MRAS: variants seen among roughly 807,000 people sequenced by gnomAD.
MRAS encodes ras-related protein M-Ras.
MRAS carries 4 observed loss-of-function variants against 20.9 expected under a neutral mutation model. The ratio of observed to expected loss-of-function variants is 0.19; its 90% CI spans 0.09 to 0.44. The LOEUF (loss-of-function observed/expected upper bound fraction) is 0.44. MRAS is among the 20% of genes least tolerant of loss of function. MRAS has a pLI of 0.99. For synonymous variants in MRAS, 98 were observed against 102.9 expected (o/e 0.95, Z 0.29); for missense variants, 154 against 277.5 (o/e 0.56, Z 3.16).
intron 2 of MRAS, among the ~76,000 whole-genome samples, chr3:138,376,341 G>T (rs370281595): frequency 1.3e-5 from 2 of 152,258 alleles, no homozygotes; most frequent in East Asian, 3.9e-4. Context: ...GCCCAACTCT[G>T]TTCTTCTTTA....
At chr3:138,360,780 G>A (rs1037765483) in intron 1 of MRAS, among the ~76,000 whole-genome samples, 5 of 152,222 alleles carry the variant, frequency 3.3e-5, no homozygotes, top group African/African-American at 1.2e-4. Flanking sequence ...ACGTTGGAGC[G>A]TCTCTGAGCA....
intron 2 of MRAS, among the ~76,000 whole-genome samples, chr3:138,388,851 G>A (rs921937767): frequency 1.3e-4 from 19 of 151,754 alleles, no homozygotes; most frequent in African/African-American, 4.6e-4. Context: ...TTTTGTTTTT[G>A]TTTTTTTGAG....
intron 4 of MRAS, among the ~76,000 whole-genome samples, chr3:138,399,596 C>G (rs894735704): frequency 6.6e-6 from 1 of 152,156 alleles, no homozygotes; most frequent in Non-Finnish European, 1.5e-5. Context: ...CTGTGCTTTT[C>G]TTTTTCCAGC....
At chr3:138,368,798 C>T (rs577782711) in intron 1 of MRAS, among the ~76,000 whole-genome samples, 49 of 152,290 alleles carry the variant, frequency 3.2e-4, no homozygotes, top group African/African-American at 1.1e-3. Context: ...AAAAATCTTT[C>T]TCTGTACCGC....
At chr3:138,381,357 G>T (rs1454795464) in intron 2 of MRAS, among the ~76,000 whole-genome samples, 1 of 152,234 alleles carries the variant, frequency 6.6e-6, no homozygotes, top group Non-Finnish European at 1.5e-5. Context: ...CTAGTCTAGG[G>T]TGAGACCTAG....
intron 2 of MRAS, among the ~76,000 whole-genome samples, chr3:138,389,981 C>A (rs1209011675): frequency 6.6e-6 from 1 of 151,534 alleles, no homozygotes; most frequent in South Asian, 2.1e-4. Flanking sequence ...CCTGTAATCC[C>A]AGGCGTGGGC....
At chr3:138,387,216 A>AG (rs1269020881) in intron 2 of MRAS, among the ~76,000 whole-genome samples, 4 of 152,218 alleles carry the variant, frequency 2.6e-5, no homozygotes, top group African/African-American at 9.6e-5. Context: ...AGGCCTTTAA[A>AG]GGGGGAGAAG....
rs142715455 is a variant in MRAS at position 138,398,593 on chromosome 3, G to A, written c.447+25G>A. On this transcript the variant is annotated intron_variant, in intron 4 of 5. Coordinates refer to ENST00000423968, the MANE Select transcript of MRAS (RefSeq NM_001085049.3). ...TGTAGGTGTGTGCGTGTGTGTAGAGGGGGTCAGGAGATGTGTAAAAGCTGT... is the reference window on the plus strand; with the variant it reads ...TGTAGGTGTGTGCGTGTGTGTAGAGAGGGTCAGGAGATGTGTAAAAGCTGT... 991 of 1,603,842 alleles carry A rather than the reference G, an allele frequency of 6.2e-4. 6 individuals carry two copies. In the African/African-American group the frequency reaches 9.0e-3, roughly 15 times the overall value.
At chr3:138,392,725 C>T (rs150289824) in intron 2 of MRAS, among the ~76,000 whole-genome samples, 4 of 152,198 alleles carry the variant, frequency 2.6e-5, no homozygotes, top group African/African-American at 9.6e-5. Flanking sequence ...TCCTCTCTGT[C>T]ATTTTGCTTT....
intron 1 of MRAS, among the ~76,000 whole-genome samples, chr3:138,360,154 G>A (rs537668492): frequency 1.3e-5 from 2 of 152,306 alleles, no homozygotes; most frequent in South Asian, 2.1e-4. Context: ...GCACGTGCAC[G>A]TGACTTTGGG....
chr3:138,397,529 C>T (rs1197418190), intron 3 of MRAS, 52 bp downstream of exon 3: 1 of 1,592,834 alleles, frequency 6.3e-7, no homozygotes, highest in African/African-American at 1.3e-5. Context: ...CGCCTGCCTC[C>T]TAGGGCGCTC....
At chr3:138,364,514 A>G (rs951081808) in intron 1 of MRAS, among the ~76,000 whole-genome samples, 2 of 152,212 alleles carry the variant, frequency 1.3e-5, no homozygotes, top group Non-Finnish European at 2.9e-5. Flanking sequence ...GCATAGCTCA[A>G]GCTCTTTGGC....
chr3:138,370,754 G>A (rs1291435228), intron 1 of MRAS, among the ~76,000 whole-genome samples: 4 of 152,110 alleles, frequency 2.6e-5, no homozygotes, highest in Admixed American at 2.6e-4. Context: ...AACTTTTCCA[G>A]TACACAAATA....
intron 2 of MRAS, among the ~76,000 whole-genome samples, chr3:138,386,431 T>C (rs1465037188): frequency 1.3e-5 from 2 of 152,190 alleles, no homozygotes; most frequent in Non-Finnish European, 2.9e-5. Context: ...TGCTGCAGTG[T>C]GTATCAGAAT....
At chr3:138,386,933 G>A (rs952103181) in intron 2 of MRAS, among the ~76,000 whole-genome samples, 2 of 152,230 alleles carry the variant, frequency 1.3e-5, no homozygotes, top group African/African-American at 4.8e-5. Context: ...ATACCTAGAA[G>A]TAGAATTGCT....
intron 2 of MRAS, among the ~76,000 whole-genome samples, chr3:138,379,598 T>A (rs1179357504): frequency 6.6e-6 from 1 of 152,194 alleles, no homozygotes; most frequent in East Asian, 1.9e-4. Context: ...CCTCAGGTGA[T>A]CTGCCCACCT....
At chr3:138,376,756 C>A (rs1252889277) in intron 2 of MRAS, among the ~76,000 whole-genome samples, 5 of 152,206 alleles carry the variant, frequency 3.3e-5, no homozygotes, top group Non-Finnish European at 7.3e-5. Context: ...GCAGGACTTA[C>A]AAGAACTTTT....
chr3:138,359,478 A>G (rs970604128), intron 1 of MRAS, among the ~76,000 whole-genome samples: 1 of 152,238 alleles, frequency 6.6e-6, no homozygotes, highest in African/African-American at 2.4e-5. Flanking sequence ...CCCCACCTCA[A>G]GGAAGAACCT....
At chr3:138,364,180 T>TA (rs2054514475) in intron 1 of MRAS, among the ~76,000 whole-genome samples, 1 of 152,102 alleles carries the variant, frequency 6.6e-6, no homozygotes, top group Non-Finnish European at 1.5e-5. Context: ...ATCGGCCTGC[T>TA]AGCCTTCCGA....
Sources: gnomAD v4.1 joint callset for allele counts (sites outside exome capture counted in the v4.1 genomes callset) on GRCh38, gnomAD v4.1.1 for gene constraint, MANE v1.5 for transcripts, NCBI Gene and HGNC (gene_info 2026-07-23, HGNC 2026-07-21) for gene names.